The following ANKS1B variants were observed in gnomAD, a reference collection of about 807,000 sequenced individuals.
The protein encoded by ANKS1B is ankyrin repeat and sterile alpha motif domain containing 1B.
In ANKS1B, 36 loss-of-function variants were observed where a neutral mutation model predicts 148.3. That is an observed-to-expected ratio of 0.24 (90% confidence interval 0.19 to 0.32). ANKS1B has a LOEUF of 0.32. Ranked by LOEUF, ANKS1B falls within the 10% of genes least tolerant of loss-of-function variation. ANKS1B has a pLI of 1.00. For synonymous variants in ANKS1B, 542 were observed against 560.8 expected, an observed-to-expected ratio of 0.97 and a Z score of 0.47; for missense variants, 1,157 against 1,542.6, an observed-to-expected ratio of 0.75 and a Z score of 4.19.
intron 1 of ANKS1B, among the ~76,000 whole-genome samples, chr12:99,958,470 C>T (rs1038943444): frequency 3.3e-5 from 5 of 152,130 alleles, no homozygotes; most frequent in Admixed American, 2.0e-4. Context: ...ACAGCCTCAA[C>T]CTCCTGGGCT....
intron 11 of ANKS1B, among the ~76,000 whole-genome samples, chr12:99,410,598 G>C (rs999734254): frequency 1.3e-5 from 2 of 152,202 alleles, no homozygotes; most frequent in African/African-American, 4.8e-5. Context: ...GAACCTGGGA[G>C]GGGGAGCTTG....
chr12:99,959,935 A>T (rs531888283), intron 1 of ANKS1B, among the ~76,000 whole-genome samples: 88 of 152,314 alleles, frequency 5.8e-4, no homozygotes, highest in Non-Finnish European at 9.4e-4. Context: ...TCAGGTCACA[A>T]TTGACAGACA....
intron 8 of ANKS1B, among the ~76,000 whole-genome samples, chr12:99,766,215 G>A (rs971613047): frequency 6.6e-6 from 1 of 152,084 alleles, no homozygotes; most frequent in African/African-American, 2.4e-5. Context: ...TACATTCAAG[G>A]CACCGTGTGA....
At chr12:98,868,092 C>T (rs543856494) in intron 17 of ANKS1B, among the ~76,000 whole-genome samples, 4 of 152,190 alleles carry the variant, frequency 2.6e-5, no homozygotes, top group Non-Finnish European at 5.9e-5. Flanking sequence ...TCTATCAAAC[C>T]ACTGATTAAA....
Position 98,959,852 on chromosome 12 carries a change from C to T in ANKS1B, c.2778+93305G>A, listed in dbSNP as rs143495502. ...ACTGGTGGTACCCAGGAAGTACTCA[C>T]CATGGACCTAGGGTAGTGGTGATCA... On this transcript the variant is annotated intron_variant, in intron 17 of 26. Transcript: ENST00000683438. Among the ~76,000 whole-genome samples the T allele has an allele frequency of 3.1e-3, 479 of 152,260 alleles. 1 individual carries two copies. Among genetic ancestry groups the T allele is most frequent in the African/African-American group, 0.011 (451 of 41,560 alleles).
At chr12:99,722,193 A>G (rs2153556274) in intron 8 of ANKS1B, among the ~76,000 whole-genome samples, 1 of 152,350 alleles carries the variant, frequency 6.6e-6, no homozygotes, top group African/African-American at 2.4e-5. Flanking sequence ...ATCCAGCTAA[A>G]TTGATAAAGG....
intron 14 of ANKS1B, among the ~76,000 whole-genome samples, chr12:99,214,531 C>CAG (rs1221664900): frequency 6.6e-6 from 1 of 152,196 alleles, no homozygotes; most frequent in Admixed American, 6.5e-5. Context: ...CCTGCCATCA[C>CAG]GTAAGACATG....
intron 12 of ANKS1B, among the ~76,000 whole-genome samples, chr12:99,347,668 T>A (rs2090895420): frequency 6.6e-6 from 1 of 151,942 alleles, no homozygotes; most frequent in African/African-American, 2.4e-5. Flanking sequence ...AGTAAAAAAT[T>A]AGAAAAGTCA....
intron 8 of ANKS1B, among the ~76,000 whole-genome samples, chr12:99,759,562 G>A (rs2061888898): frequency 6.6e-6 from 1 of 152,072 alleles, no homozygotes; most frequent in African/African-American, 2.4e-5. Context: ...AGTGATTATT[G>A]CAACTGCCAT....
chr12:98,919,748 G>A (rs763840281), intron 17 of ANKS1B, among the ~76,000 whole-genome samples: 2 of 152,046 alleles, frequency 1.3e-5, no homozygotes, highest in Non-Finnish European at 2.9e-5. Flanking sequence ...TTTTCATAGG[G>A]TCCCTTTCCA....
chr12:99,259,778 T>G (rs1427504962), intron 12 of ANKS1B, among the ~76,000 whole-genome samples: 1 of 146,524 alleles, frequency 6.8e-6, no homozygotes, highest in Non-Finnish European at 1.6e-5. Context: ...CCACACGTCT[T>G]TCCTCTGTTA....
At chr12:99,660,361 TTC>T (rs1491314433) in intron 8 of ANKS1B, among the ~76,000 whole-genome samples, 2 of 128,436 alleles carry the variant, frequency 1.6e-5, no homozygotes, top group South Asian at 2.8e-4. Context: ...CTTTTTCTTT[TTC>T]TTTTTTTTTT....
At chr12:98,827,121 G>T (rs971326870) in intron 19 of ANKS1B, among the ~76,000 whole-genome samples, 2 of 152,066 alleles carry the variant, frequency 1.3e-5, no homozygotes, top group African/African-American at 4.8e-5. Flanking sequence ...ATTGCTCCAT[G>T]GGTTTTGGCC....
rs893302907 is a variant in ANKS1B at position 99,308,140 on chromosome 12, G to A, written c.1757-61276C>T. On this transcript the variant is annotated intron_variant, in intron 12 of 26. Coordinates refer to ENST00000683438, the MANE Select transcript of ANKS1B (RefSeq NM_001352186.2). ...GTTTTTATATTAGGTTTTAAAAAAT[G>A]GATTTAAATATTATAATTCTATAGA... 2.6e-5 allele frequency among the ~76,000 whole-genome samples: 4 copies of A among 152,056 alleles called. No homozygotes were observed. The East Asian group carries it at 7.7e-4, about 29-fold the overall frequency.
At chr12:99,313,901 T>C (rs1175338079) in intron 12 of ANKS1B, among the ~76,000 whole-genome samples, 2 of 152,160 alleles carry the variant, frequency 1.3e-5, no homozygotes, top group Non-Finnish European at 2.9e-5. Flanking sequence ...CAACATAGTA[T>C]TGGAAGTTCT....
intron 1 of ANKS1B, among the ~76,000 whole-genome samples, chr12:99,880,941 G>A (rs1329540841): frequency 6.6e-6 from 1 of 152,222 alleles, no homozygotes; most frequent in Non-Finnish European, 1.5e-5. Context: ...TTAACAAAAA[G>A]TGTTCTGTGG....
At chr12:98,868,248 G>C (rs1205089728) in intron 17 of ANKS1B, among the ~76,000 whole-genome samples, 1 of 152,216 alleles carries the variant, frequency 6.6e-6, no homozygotes, top group Non-Finnish European at 1.5e-5. Context: ...CTGGAGGAGA[G>C]GTGCCAAGTG....
At chr12:99,425,772 AG>A in intron 11 of ANKS1B, among the ~76,000 whole-genome samples, 1 of 151,908 alleles carries the variant, frequency 6.6e-6, no homozygotes. Context: ...TGGATGTGTT[AG>A]TCTTCTTTGT....
At position 98,801,630 on chromosome 12, in the gene ANKS1B, A is replaced by T. The variant is rs1200116063; in HGVS notation, c.3142-505T>A. ...AGCATGATGCTAAACAAAATTTAAA[A>T]GAAAAATTTACTAATGGGTGACACT... is the stretch of plus-strand genomic sequence containing the variant. On this transcript the variant is annotated intron_variant, in intron 20 of 26. Transcript: ENST00000683438. This position sits in a 1 kb window ranked among gnomAD's most constrained non-coding sequence, Gnocchi z 5.2. Among the ~76,000 whole-genome samples the T allele has an allele frequency of 6.6e-6, 1 of 152,240 alleles. No homozygotes were observed. Among genetic ancestry groups the T allele is most frequent in the Non-Finnish European group, 1.5e-5 (1 of 68,040 alleles).
Sources: gnomAD v4.1 joint callset for allele counts (sites outside exome capture counted in the v4.1 genomes callset) on GRCh38, gnomAD v4.1.1 for gene constraint, Gnocchi (gnomAD v3.1) non-coding constraint, MANE v1.5 for transcripts, NCBI Gene and HGNC (gene_info 2026-07-23, HGNC 2026-07-21) for gene names.